Variants in PDE7B observed in about 807,000 individuals in gnomAD.
PDE7B encodes the protein phosphodiesterase 7B.
A neutral mutation model predicts 56.2 loss-of-function variants in PDE7B; 29 were observed. That is an observed-to-expected ratio of 0.52 (90% CI 0.38 to 0.70). PDE7B has a LOEUF of 0.70. Among genes scored for constraint, PDE7B ranks in the 30% least tolerant of loss-of-function variants. PDE7B has a pLI of 0.00. For missense variants in PDE7B, 490 were observed against 565.0 expected (o/e 0.87, Z 1.35); for synonymous variants, 197 against 196.9 (o/e 1.00, Z 0.00).
intron 2 of PDE7B, among the ~76,000 whole-genome samples, chr6:135,965,099 C>A (rs1774973786): frequency 6.6e-6 from 1 of 152,218 alleles, no homozygotes; most frequent in Non-Finnish European, 1.5e-5. Flanking sequence ...TGATATTTTG[C>A]AGTTGCACTC....
chr6:135,865,357 T>C (rs1282263702), intron 1 of PDE7B, among the ~76,000 whole-genome samples: 1 of 152,204 alleles, frequency 6.6e-6, no homozygotes, highest in Non-Finnish European at 1.5e-5. Flanking sequence ...CTGTCATTTA[T>C]CCCATAAAAC....
intron 1 of PDE7B, among the ~76,000 whole-genome samples, chr6:135,908,732 T>G (rs1176421118): frequency 1.3e-5 from 2 of 152,226 alleles, no homozygotes; most frequent in African/African-American, 4.8e-5. Flanking sequence ...GTATCCAATT[T>G]GTTCCCATTT....
At chr6:136,027,608 C>A (rs2128208704) in intron 2 of PDE7B, among the ~76,000 whole-genome samples, 1 of 152,086 alleles carries the variant, frequency 6.6e-6, no homozygotes, top group East Asian at 1.9e-4. Flanking sequence ...AATTGGTTAT[C>A]ATTTTTTAAT....
intron 1 of PDE7B, among the ~76,000 whole-genome samples, chr6:135,860,645 G>A (rs1322400945): frequency 6.6e-6 from 1 of 151,918 alleles, no homozygotes; most frequent in Non-Finnish European, 1.5e-5. Context: ...TCTAATATCT[G>A]CTTCTTGAGA....
intron 1 of PDE7B, among the ~76,000 whole-genome samples, chr6:135,878,945 C>T (rs1775551832): frequency 1.3e-5 from 2 of 152,094 alleles, no homozygotes; most frequent in African/African-American, 2.4e-5. Flanking sequence ...ATTATGAACA[C>T]TAGCCCTTTG....
intron 5 of PDE7B, 42 bp from the exon 6 acceptor site, chr6:136,151,118 G>A: frequency 1.0e-6 from 1 of 956,996 alleles, no homozygotes; most frequent in Non-Finnish European, 1.7e-6. Flanking sequence ...ATATTTTAGT[G>A]GTGATCAAAA....
In PDE7B at chr6:136,149,139, G is replaced by A. The variant is rs777563621; in HGVS notation, c.371G>A (p.Arg124His). The A allele has an allele frequency of 4.4e-6, 7 of 1,607,808 alleles. No homozygotes were observed. Among genetic ancestry groups the A allele is most frequent in the South Asian group, 2.2e-5 (2 of 90,956 alleles). ...MWDFDIFLFD[R>H]LTNGNSLVTL... is the part of the protein sequence containing the mutation. ...GATTTTGACATTTTCTTGTTTGATC[G>A]CTTGACAAATGGTAAGTTACCCAAA... is the stretch of plus-strand genomic sequence containing the variant. The change falls in exon 5 of 13, where the codon CGC (arginine) becomes CAC (histidine). Residue 124 changes from arginine to histidine, a missense_variant. Transcript: ENST00000308191.
chr6:135,978,165 G>T (rs1201355559), intron 2 of PDE7B, among the ~76,000 whole-genome samples: 1 of 152,120 alleles, frequency 6.6e-6, no homozygotes, highest in African/African-American at 2.4e-5. Flanking sequence ...ATGTGCTCTA[G>T]CCTATTGCTC....
At chr6:136,038,049 T>C (rs1409324130) in intron 2 of PDE7B, 1 of 1,334,432 alleles carries the variant, frequency 7.5e-7, no homozygotes. Context: ...AGTGAATCGC[T>C]CTCGTCGGCA....
intron 2 of PDE7B, among the ~76,000 whole-genome samples, chr6:136,018,850 T>G (rs577269795): frequency 3.1e-4 from 47 of 152,200 alleles, no homozygotes; most frequent in Admixed American, 1.8e-3. Flanking sequence ...CAAGAAACTT[T>G]GGTGATCTTG....
intron 1 of PDE7B, among the ~76,000 whole-genome samples, chr6:135,897,506 G>T (rs1358699901): frequency 6.6e-6 from 1 of 152,134 alleles, no homozygotes; most frequent in African/African-American, 2.4e-5. Context: ...AGAAGAGAAA[G>T]GTAGCCAGGG....
At chr6:136,160,229 T>C (rs1484608669) in intron 8 of PDE7B, among the ~76,000 whole-genome samples, 1 of 152,158 alleles carries the variant, frequency 6.6e-6, no homozygotes, top group Non-Finnish European at 1.5e-5. Flanking sequence ...ACTGAACCGA[T>C]ACTTCTTAAA....
intron 2 of PDE7B, among the ~76,000 whole-genome samples, chr6:136,014,759 G>T (rs139442348): frequency 5.5e-4 from 84 of 152,280 alleles, no homozygotes; most frequent in African/African-American, 1.7e-3. Flanking sequence ...AAATATTGGT[G>T]ATTTGTACCT....
At chr6:135,923,170 C>T (rs898820738) in intron 1 of PDE7B, among the ~76,000 whole-genome samples, 1 of 152,136 alleles carries the variant, frequency 6.6e-6, no homozygotes, top group African/African-American at 2.4e-5. Flanking sequence ...TACTTTATGT[C>T]CCTTCTTTTG....
In PDE7B at chr6:136,004,120, G is replaced by A. The variant is rs550931830; in HGVS notation, c.82+56596G>A. Among the ~76,000 whole-genome samples, 20 of 152,216 alleles carry A rather than the reference G, an allele frequency of 1.3e-4. No individual in the cohort carries two copies. In the East Asian group the frequency reaches 3.9e-3, roughly 29 times the overall value. On this transcript the variant is annotated intron_variant, in intron 2 of 12. Coordinates refer to ENST00000308191, the MANE Select transcript of PDE7B (RefSeq NM_018945.4). ...CAAAAATCACATGATTATCTCAATA[G>A]ATGCAGAAAAGGCCTTTGACAAAAT...
At chr6:135,892,918 C>G (rs1203428084) in intron 1 of PDE7B, among the ~76,000 whole-genome samples, 1 of 152,142 alleles carries the variant, frequency 6.6e-6, no homozygotes, top group Non-Finnish European at 1.5e-5. Flanking sequence ...TGAACTTATG[C>G]TCCAGAAAGT....
chr6:135,869,585 A>G (rs1273940919), intron 1 of PDE7B, among the ~76,000 whole-genome samples: 2 of 152,214 alleles, frequency 1.3e-5, no homozygotes, highest in Non-Finnish European at 2.9e-5. Flanking sequence ...CATTCCAGTC[A>G]GAGATGACTG....
intron 7 of PDE7B, 78 bp from the exon 8 acceptor site, chr6:136,155,549 T>G: frequency 8.4e-7 from 1 of 1,196,042 alleles, no homozygotes; most frequent in South Asian, 1.4e-5. Context: ...TGATTCATTG[T>G]GTTTGATTTA....
At chr6:135,960,265 T>G (rs60213560) in intron 2 of PDE7B, among the ~76,000 whole-genome samples, 2,034 of 152,294 alleles carry the variant, frequency 0.013, 46 homozygotes, top group African/African-American at 0.047. Flanking sequence ...ATTTTTTCCC[T>G]TGTAGCAACT....
Sources: allele counts gnomAD v4.1 joint callset (sites outside exome capture counted in the v4.1 genomes callset), GRCh38; gene constraint gnomAD v4.1.1; transcripts MANE v1.5; gene names NCBI Gene and HGNC (gene_info 2026-07-23, HGNC 2026-07-21).